Variants in ORC3 observed in about 807,000 individuals in gnomAD.
ORC3 encodes origin recognition complex subunit 3.
Under a neutral mutation model 100.7 loss-of-function variants are expected in ORC3, and 78 were observed. The observed-to-expected ratio is 0.77, with a 90% CI of 0.65 to 0.94. The LOEUF (loss-of-function observed/expected upper bound fraction) is 0.94. ORC3 is among the 40% of genes least tolerant of loss of function. The pLI, the probability that ORC3 is intolerant of heterozygous loss-of-function variation, is 0.00. For missense variants in ORC3, 789 were observed against 823.9 expected, an observed-to-expected ratio of 0.96 and a Z score of 0.52; for synonymous variants, 295 against 289.3, an observed-to-expected ratio of 1.02 and a Z score of -0.20.
At chr6:87,659,327 G>A (rs1284389791) in intron 16 of ORC3, among the ~76,000 whole-genome samples, 1 of 151,836 alleles carries the variant, frequency 6.6e-6, no homozygotes, top group African/African-American at 2.4e-5. Flanking sequence ...TTCCCAAAGT[G>A]CTGGGATTAC....
At chr6:87,598,068 C>T (rs576005210) in intron 2 of ORC3, among the ~76,000 whole-genome samples, 22 of 152,270 alleles carry the variant, frequency 1.4e-4, no homozygotes, top group African/African-American at 4.8e-4. Context: ...CTCACTCTGT[C>T]ACCCAGGCTG....
At chr6:87,631,262 T>G (rs1767382797) in intron 11 of ORC3, among the ~76,000 whole-genome samples, 2 of 152,082 alleles carry the variant, frequency 1.3e-5, no homozygotes, top group South Asian at 4.2e-4. Flanking sequence ...TCTTCATGCT[T>G]AAAGAACAGA....
chr6:87,610,698 C>T (rs1432306794), intron 7 of ORC3, among the ~76,000 whole-genome samples: 2 of 146,454 alleles, frequency 1.4e-5, no homozygotes, highest in African/African-American at 2.6e-5. Context: ...GGACTACAGG[C>T]GCCCGCCACC....
Position 87,657,912 on chromosome 6 carries a change from T to A in ORC3, c.1594-9T>A, listed in dbSNP as rs755707440. On this transcript the variant is annotated splice_polypyrimidine_tract_variant and intron_variant, in intron 15 of 19. Transcript: ENST00000392844. ...GATCACCAGAAAAGCTATGTTCTTT[T>A]ATCTATAGTCCTTATTGGAAATGAA... 2 of 1,433,722 alleles carry A rather than the reference T, an allele frequency of 1.4e-6. No homozygotes were observed. The highest frequency in any genetic ancestry group is 2.3e-5 in the South Asian group (2 of 87,056). 88.8% of individuals were successfully genotyped at this position (1,433,722 alleles called of 1,614,324 possible). A position where few individuals can be genotyped will look rare whatever the true frequency, so the allele number is the denominator to read the frequency against.
In ORC3 at chr6:87,612,833, C is replaced by T. The variant is rs912246826; in HGVS notation, c.873+585C>T. On this transcript the variant is annotated intron_variant, in intron 8 of 19. Coordinates refer to ENST00000392844, the MANE Select transcript of ORC3 (RefSeq NM_012381.4). The stretch of plus-strand genomic sequence containing the variant: ...ATATTGGCCAGGCTGGTCTGGAACT[C>T]CTGACCTCAAGTGATCTACCTGCCT... 4.3e-4 allele frequency among the ~76,000 whole-genome samples: 65 copies of T among 152,292 alleles called. 1 individual carries two copies. The highest frequency in any genetic ancestry group is 1.6e-3 in the African/African-American group (65 of 41,566).
chr6:87,626,097 T>C lies in ORC3; in HGVS notation c.1185+4084T>C, dbSNP rs186214108. Reference sequence around the variant, plus strand: ...TGTTTTGGTTACTGTAGCCTTGTAGTACAGTTTGAAGTCAGGTAGCATGAT... The same window carrying C: ...TGTTTTGGTTACTGTAGCCTTGTAGCACAGTTTGAAGTCAGGTAGCATGAT... On this transcript the variant is annotated intron_variant, in intron 11 of 19. Transcript: ENST00000392844. Among the ~76,000 whole-genome samples the C allele has an allele frequency of 3.6e-3, 554 of 152,338 alleles. 5 individuals carry two copies. The highest frequency in any genetic ancestry group is 0.013 in the African/African-American group (522 of 41,580).
intron 16 of ORC3, 86 bp from the exon 17 acceptor site, chr6:87,662,917 A>C: frequency 2.4e-6 from 2 of 824,666 alleles, no homozygotes; most frequent in Non-Finnish European, 3.3e-6. Context: ...AGTCCAACAG[A>C]GCTTAAAGGA....
In ORC3 at chr6:87,603,401, A is replaced by G; in HGVS notation, c.195A>G (p.Leu65=). 6.7e-7 allele frequency: 1 copy of G among 1,503,246 alleles called. No individual in the cohort carries two copies. 93.1% of individuals were successfully genotyped at this position (1,503,246 alleles called of 1,614,324 possible). ...KSENERLQEE[L]NKNLFDNLIE... ...CTTTGTAGCGACTACAAGAGGAATT[A>G]AATAAAAACTTGTTTGACAATCTGA... Residue 65 remains leucine, a synonymous_variant, in exon 4 of 20, where the codon TTA becomes TTG. Coordinates refer to ENST00000392844, the MANE Select transcript of ORC3 (RefSeq NM_012381.4).
intron 3 of ORC3, among the ~76,000 whole-genome samples, chr6:87,602,263 T>C (rs1014003611): frequency 4.6e-5 from 7 of 152,130 alleles, no homozygotes; most frequent in African/African-American, 1.7e-4. Flanking sequence ...TCATATTTCT[T>C]GTGAGTGGAA....
chr6:87,636,252 G>A (rs1279279414), intron 12 of ORC3, among the ~76,000 whole-genome samples, 155 bp from the exon 13 acceptor site: 1 of 152,116 alleles, frequency 6.6e-6, no homozygotes, highest in African/African-American at 2.4e-5. Flanking sequence ...TTCTTATAAA[G>A]CCTGATCCAT....
chr6:87,610,544 T>A (rs1229389264), intron 7 of ORC3, among the ~76,000 whole-genome samples: 1 of 149,358 alleles, frequency 6.7e-6, no homozygotes, highest in African/African-American at 2.5e-5. Context: ...ACTTTATTTT[T>A]TTTTATTTTT....
At chr6:87,673,110 A>G in the ORC3 span, among the ~76,000 whole-genome samples, 1 of 150,410 alleles carries the variant, frequency 6.6e-6, no homozygotes, top group Non-Finnish European at 1.5e-5. Flanking sequence ...GGACTTTTGC[A>G]TAAGTGATAA....
At position 87,642,794 on chromosome 6, in the gene ORC3, C is replaced by T. The variant is rs183574406; in HGVS notation, c.1382+6308C>T. Among the ~76,000 whole-genome samples the T allele has an allele frequency of 8.7e-3, 1,324 of 151,700 alleles. 10 individuals are homozygous for T. Among genetic ancestry groups the T allele is most frequent in the Middle Eastern group, 0.021 (6 of 292 alleles). ...GCAGACGCCTGTAGTCCCAGCTACTCAGGAGTCTGAGGCAGGAGAATGGCG... is the reference window on the plus strand; with the variant it reads ...GCAGACGCCTGTAGTCCCAGCTACTTAGGAGTCTGAGGCAGGAGAATGGCG... On this transcript the variant is annotated intron_variant, in intron 13 of 19. Transcript: ENST00000392844.
chr6:87,620,378 CT>C (rs1779452720), intron 9 of ORC3, among the ~76,000 whole-genome samples: 1 of 152,198 alleles, frequency 6.6e-6, no homozygotes, highest in African/African-American at 2.4e-5. Context: ...TAGGCAGGCC[CT>C]TTGCCTTACA....
At chr6:87,626,970 C>T (rs62417715) in intron 11 of ORC3, among the ~76,000 whole-genome samples, 4,800 of 151,728 alleles carry the variant, frequency 0.032, 99 homozygotes, top group Middle Eastern at 0.054. Context: ...TCAATATGAA[C>T]ACATTTTATT....
At chr6:87,674,530 G>GA in the ORC3 span, among the ~76,000 whole-genome samples, 2 of 149,912 alleles carry the variant, frequency 1.3e-5, no homozygotes, top group African/African-American at 4.9e-5. Flanking sequence ...GTTCTTAAAA[G>GA]AAAAAACTGG....
chr6:87,663,015 G>A lies in ORC3; in HGVS notation c.1704G>A (p.Leu568=). The part of the protein sequence containing the change: ...FIDCLVREYL[L]PPETQPLHEV... ...CTGGCTGTTTCAGAGAATACCTTCT[G>A]CCTCCTGAGACACAGCCTCTCCATG... is the stretch of plus-strand genomic sequence containing the variant. The change falls in exon 17 of 20, where the codon CTG becomes CTA. Residue 568 remains leucine (L), a synonymous_variant. Transcript: ENST00000392844. 2 of 1,604,602 alleles carry A rather than the reference G, an allele frequency of 1.2e-6. No homozygotes were observed. Among genetic ancestry groups the A allele is most frequent in the South Asian group, 1.1e-5 (1 of 89,478 alleles).
intron 13 of ORC3, among the ~76,000 whole-genome samples, chr6:87,643,301 T>G (rs1489182837): frequency 6.6e-6 from 1 of 152,078 alleles, no homozygotes; most frequent in African/African-American, 2.4e-5. Flanking sequence ...TTGGGAACGC[T>G]GGTATGGTGT....
chr6:87,676,579 A>AC, the ORC3 span, among the ~76,000 whole-genome samples: 60 of 147,454 alleles, frequency 4.1e-4, no homozygotes, highest in East Asian at 0.012. Context: ...ACATGGTGAA[A>AC]CCCCGTCTCT....
Sources: gnomAD v4.1 joint callset for allele counts (sites outside exome capture counted in the v4.1 genomes callset) on GRCh38, gnomAD v4.1.1 for gene constraint, MANE v1.5 for transcripts, NCBI Gene and HGNC (gene_info 2026-07-23, HGNC 2026-07-21) for gene names.